Variants in SAMD14 observed in about 807,000 individuals in gnomAD.
The protein encoded by SAMD14 is sterile alpha motif domain-containing protein 14.
Under a neutral mutation model 46.2 loss-of-function variants are expected in SAMD14, and 27 were observed. The ratio of observed to expected loss-of-function variants is 0.58; its 90% CI spans 0.43 to 0.81. The LOEUF (loss-of-function observed/expected upper bound fraction) is 0.81, where lower values mean the gene tolerates loss of function less well. Among genes scored for constraint, SAMD14 ranks in the 30% least tolerant of loss-of-function variants. The probability of loss-of-function intolerance (pLI) is 0.00; values close to 1 mark genes in which losing one functional copy is unlikely to be tolerated. For synonymous variants in SAMD14, 241 were observed against 254.3 expected (o/e 0.95, Z 0.50); for missense variants, 559 against 582.2 (o/e 0.96, Z 0.41).
intron 1 of SAMD14, chr17:50,125,180 G>A: frequency 1.8e-6 from 1 of 552,412 alleles, no homozygotes; most frequent in East Asian, 3.1e-5. Flanking sequence ...TAGTAGGAGG[G>A]TGGGGGCAGA....
chr17:50,119,464 G>A (rs1272912209), intron 2 of SAMD14, among the ~76,000 whole-genome samples: 1 of 151,984 alleles, frequency 6.6e-6, no homozygotes, highest in Admixed American at 6.6e-5. Context: ...CTCCTGTTTC[G>A]TTCTGTAGAC....
intron 1 of SAMD14, among the ~76,000 whole-genome samples, chr17:50,128,476 A>ACTCT (rs200330785): frequency 3.6e-4 from 42 of 117,338 alleles, no homozygotes; most frequent in Admixed American, 6.5e-4. Context: ...CACCCCGCAC[A>ACTCT]CTCTCTCACA....
chr17:50,121,903 A>C (rs762229229), intron 2 of SAMD14, among the ~76,000 whole-genome samples: 6 of 152,242 alleles, frequency 3.9e-5, no homozygotes, highest in Non-Finnish European at 7.3e-5. Context: ...TCTCATGTGT[A>C]AAATGGGATT....
Position 50,115,538 on chromosome 17 carries a change from T to A in SAMD14, c.822+26A>T. On this transcript the variant is annotated intron_variant, in intron 7 of 9. Transcript: ENST00000330175. The surrounding 1 kb of genome is among the most constrained non-coding windows in gnomAD (Gnocchi z 5.3). Reference sequence around the variant, plus strand: ...TGTCACCTGAGACTGGGGGCCAGTTTGGGGACAAGAAAGGCATGGACTTAC... The same window carrying A: ...TGTCACCTGAGACTGGGGGCCAGTTAGGGGACAAGAAAGGCATGGACTTAC... 2.0e-6 allele frequency: 3 copies of A among 1,511,352 alleles called. No individual in the cohort carries two copies. The South Asian group carries it at 4.0e-5, about 20-fold the overall frequency. 93.6% of individuals were successfully genotyped at this position (1,511,352 alleles called of 1,614,324 possible). A position where few individuals can be genotyped will look rare whatever the true frequency, so the allele number is the denominator to read the frequency against.
intron 9 of SAMD14, 119 bp downstream of exon 9, chr17:50,113,805 G>C: frequency 8.1e-7 from 1 of 1,228,676 alleles, no homozygotes. Context: ...CACAGATGGA[G>C]TGAAAAGGTC....
Position 50,117,611 on chromosome 17 carries a change from A to T in SAMD14, c.295T>A (p.Cys99Ser), listed in dbSNP as rs1911284562. ...GPGSPAGGSF[C>S]LDPPGLRRSL... ...CGCCGCAACCCCGGAGGATCCAGGC[A>T]GAAAGAGCCCCCGGCCGGGGACCCC... The change falls in exon 4 of 10, where the codon TGC becomes AGC. Residue 99 changes from cysteine (C) to serine (S), a missense_variant. Physicochemically the swap from Cys to Ser is moderately radical, Grantham distance 112. Coordinates refer to ENST00000330175, the MANE Select transcript of SAMD14 (RefSeq NM_001257359.2). 2 of 1,557,228 alleles carry T rather than the reference A, an allele frequency of 1.3e-6. No individual in the cohort carries two copies. Among genetic ancestry groups the T allele is most frequent in the Admixed American group, 1.8e-5 (1 of 55,374 alleles).
chr17:50,112,400 C>T lies in SAMD14; in HGVS notation c.*493G>A, dbSNP rs1290561250. ...GGGGGAGCAGGACAGAGCTCTCCCA[C>T]CACACAGCCCCCTGGAAGAGTGGAG... On this transcript the variant is annotated 3_prime_UTR_variant, in exon 10 of 10. Coordinates refer to ENST00000330175, the MANE Select transcript of SAMD14 (RefSeq NM_001257359.2). 3 of 153,092 alleles carry T rather than the reference C, an allele frequency of 2.0e-5. No individual in the cohort carries two copies. The highest frequency in any genetic ancestry group is 7.2e-5 in the African/African-American group (3 of 41,454). The allele number at this position is 153,092 out of a possible 1,614,324, so 9.5% of individuals were successfully genotyped here.
intron 7 of SAMD14, chr17:50,114,642 G>C (rs1322770502): frequency 1.8e-6 from 1 of 545,640 alleles, no homozygotes; most frequent in Non-Finnish European, 3.2e-6. Flanking sequence ...TGCGCCTCCC[G>C]CCTGGCCTTA....
chr17:50,115,541 G>A lies in SAMD14; in HGVS notation c.822+23C>T. 1 of 1,512,274 alleles carries A rather than the reference G, an allele frequency of 6.6e-7. No homozygotes were observed. The highest frequency in any genetic ancestry group is 8.9e-7 in the Non-Finnish European group (1 of 1,128,406). The allele number at this position is 1,512,274 out of a possible 1,614,324, so 93.7% of individuals were successfully genotyped here. A position where few individuals can be genotyped will look rare whatever the true frequency, so the allele number is the denominator to read the frequency against. ...CACCTGAGACTGGGGGCCAGTTTGG[G>A]GACAAGAAAGGCATGGACTTACCTG... On this transcript the variant is annotated intron_variant, in intron 7 of 9. Coordinates refer to ENST00000330175, the MANE Select transcript of SAMD14 (RefSeq NM_001257359.2). This position sits in a 1 kb window ranked among gnomAD's most constrained non-coding sequence, Gnocchi z 5.3.
rs771415263 is a variant in SAMD14 at position 50,110,127 on chromosome 17, C to G, written c.*2766G>C. The G allele has an allele frequency of 2.6e-6, 4 of 1,557,390 alleles. No individual in the cohort carries two copies. The highest frequency in any genetic ancestry group is 2.6e-6 in the Non-Finnish European group (3 of 1,146,338). ...CGCCGTGCATCTGCACCTGAGAGGA[C>G]GGACTGCCGCCTCTGGGTCCCCCCA... On this transcript the variant is annotated 3_prime_UTR_variant, in exon 10 of 10. Transcript: ENST00000330175.
intron 2 of SAMD14, among the ~76,000 whole-genome samples, chr17:50,123,842 G>T (rs1911614805): frequency 1.3e-5 from 2 of 152,094 alleles, no homozygotes; most frequent in African/African-American, 4.8e-5. Context: ...GGGAGTAGGG[G>T]CAGAAAAGCC....
In SAMD14 at chr17:50,124,771, G is replaced by GCACGCGCACACACACA. The variant is rs1555563138; in HGVS notation, c.43+145_43+146insTGTGTGTGTGCGCGTG. On this transcript the variant is annotated intron_variant, in intron 2 of 9. Transcript: ENST00000330175. ...TACCTGCACGCGTGCACGCGCGCGC[G>GCACGCGCACACACACA]CACACACACACACACACACACACAC... The GCACGCGCACACACACA allele has an allele frequency of 1.2e-5, 6 of 500,056 alleles. No homozygotes were observed. In the African/African-American group the frequency reaches 1.2e-4, roughly 10 times the overall value. 31.0% of individuals were successfully genotyped at this position (500,056 alleles called of 1,614,324 possible). A position where few individuals can be genotyped will look rare whatever the true frequency, so the allele number is the denominator to read the frequency against.
chr17:50,122,893 C>T (rs1296748836), intron 2 of SAMD14, among the ~76,000 whole-genome samples: 2 of 151,962 alleles, frequency 1.3e-5, no homozygotes, highest in Non-Finnish European at 2.9e-5. Context: ...GGGTGGACAC[C>T]GAGAGGAGAT....
intron 7 of SAMD14, chr17:50,114,637 C>A (rs1341390237): frequency 3.6e-6 from 2 of 561,798 alleles, no homozygotes; most frequent in African/African-American, 3.8e-5. Flanking sequence ...TGCTATGCGC[C>A]TCCCGCCTGG....
intron 2 of SAMD14, among the ~76,000 whole-genome samples, chr17:50,120,865 T>C (rs1911467780): frequency 6.6e-6 from 1 of 152,206 alleles, no homozygotes; most frequent in Non-Finnish European, 1.5e-5. Flanking sequence ...CCACCCAATT[T>C]ATAATAGCCC....
At chr17:50,125,146 T>C (rs1376166447) in intron 1 of SAMD14, 175 bp from the exon 2 acceptor site, 2 of 610,936 alleles carry the variant, frequency 3.3e-6, no homozygotes. Context: ...ATAACCCAGA[T>C]GGTGGGCGCC....
chr17:50,123,739 C>T (rs1181599929), intron 2 of SAMD14: 1 of 219,288 alleles, frequency 4.6e-6, no homozygotes, highest in East Asian at 1.1e-4. Context: ...TATTTAATGG[C>T]CTTTCACATC....
chr17:50,121,028 C>T (rs1034577071), intron 2 of SAMD14, among the ~76,000 whole-genome samples: 13 of 152,226 alleles, frequency 8.5e-5, no homozygotes, highest in African/African-American at 3.1e-4. Flanking sequence ...ACTGCTCTAC[C>T]ACAGGCAGAG....
intron 9 of SAMD14, 116 bp downstream of exon 9, chr17:50,113,808 A>G: frequency 7.8e-7 from 1 of 1,281,302 alleles, no homozygotes; most frequent in Non-Finnish European, 1.1e-6. Context: ...AGATGGAGTG[A>G]AAAGGTCAGC....
Sources: gnomAD v4.1 joint callset for allele counts (sites outside exome capture counted in the v4.1 genomes callset) on GRCh38, gnomAD v4.1.1 for gene constraint, Gnocchi (gnomAD v3.1) non-coding constraint, MANE v1.5 for transcripts, NCBI Gene and HGNC (gene_info 2026-07-23, HGNC 2026-07-21) for gene names.